Variants in CENPP observed in about 807,000 individuals in gnomAD.
The protein encoded by CENPP is centromere protein P.
In CENPP, 24 loss-of-function variants were observed where a neutral mutation model predicts 35.6. The ratio of observed to expected loss-of-function variants is 0.67; its 90% CI spans 0.49 to 0.95. The LOEUF (loss-of-function observed/expected upper bound fraction) is 0.95. Among genes scored for constraint, CENPP ranks in the 40% least tolerant of loss-of-function variants. The pLI, the probability that CENPP is intolerant of heterozygous loss-of-function variation, is 0.00. For missense variants in CENPP, 332 were observed against 345.3 expected, an observed-to-expected ratio of 0.96 and a Z score of 0.31; for synonymous variants, 120 against 125.5, an observed-to-expected ratio of 0.96 and a Z score of 0.29.
intron 5 of CENPP, among the ~76,000 whole-genome samples, chr9:92,544,475 CA>C (rs1563996638): frequency 6.6e-6 from 1 of 151,256 alleles, no homozygotes; most frequent in Admixed American, 6.6e-5. Flanking sequence ...GACTCCGTCT[CA>C]AAAAAATAAA....
chr9:92,480,123 ATCT>A (rs1311743658), intron 5 of CENPP, among the ~76,000 whole-genome samples: 10 of 152,210 alleles, frequency 6.6e-5, no homozygotes, highest in Non-Finnish European at 5.9e-5. Context: ...AAAATATTAA[ATCT>A]TCTTCTCAGG....
chr9:92,567,375 T>TATATATATATATATATATATAG (rs1448806875), intron 5 of CENPP, among the ~76,000 whole-genome samples: 1 of 81,876 alleles, frequency 1.2e-5, no homozygotes, highest in Non-Finnish European at 2.5e-5. Flanking sequence ...ATAAGATAGA[T>TATATATATATATATATATATAG]ATATATATAT....
At chr9:92,594,892 CTT>C (rs1213825480) in intron 5 of CENPP, among the ~76,000 whole-genome samples, 3 of 105,104 alleles carry the variant, frequency 2.9e-5, no homozygotes, top group African/African-American at 3.6e-5. Flanking sequence ...GGTTGCTCTT[CTT>C]TTTTTTTTTT....
intron 4 of CENPP, among the ~76,000 whole-genome samples, chr9:92,353,976 A>G (rs759452641): frequency 6.6e-6 from 1 of 152,240 alleles, no homozygotes; most frequent in African/African-American, 2.4e-5. Flanking sequence ...TCAAAAGGCC[A>G]TTCTACTGTT....
intron 4 of CENPP, among the ~76,000 whole-genome samples, chr9:92,378,862 A>G (rs990313434): frequency 2.0e-5 from 3 of 152,244 alleles, no homozygotes; most frequent in East Asian, 3.9e-4. Context: ...TGTTCTGACA[A>G]TGGTTCTCTG....
intron 5 of CENPP, chr9:92,527,860 T>C (rs1009278259): frequency 6.5e-6 from 1 of 154,160 alleles, no homozygotes; most frequent in African/African-American, 2.4e-5. Flanking sequence ...GCATACAGTA[T>C]ATCACCTGAA....
chr9:92,525,893 CAAAAA>C (rs71362395), intron 5 of CENPP, among the ~76,000 whole-genome samples: 1 of 43,908 alleles, frequency 2.3e-5, no homozygotes, highest in Non-Finnish European at 4.8e-5. Context: ...ACTCTATCTC[CAAAAA>C]AAAAAAAAAA....
intron 5 of CENPP, chr9:92,514,998 C>G: frequency 6.2e-7 from 1 of 1,614,146 alleles, no homozygotes; most frequent in African/African-American, 1.3e-5. Flanking sequence ...ATTCAGGGGT[C>G]TCTCTCTTTT....
At chr9:92,354,861 C>T (rs745348012) in intron 4 of CENPP, among the ~76,000 whole-genome samples, 4 of 152,032 alleles carry the variant, frequency 2.6e-5, no homozygotes, top group Non-Finnish European at 4.4e-5. Flanking sequence ...CTGGGGGTGA[C>T]GTCACATATC....
intron 5 of CENPP, among the ~76,000 whole-genome samples, chr9:92,477,024 G>A (rs1408916495): frequency 2.6e-5 from 4 of 152,214 alleles, no homozygotes; most frequent in Non-Finnish European, 5.9e-5. Context: ...GTAGAGAACA[G>A]AATGATTGTG....
intron 5 of CENPP, among the ~76,000 whole-genome samples, chr9:92,542,186 A>G (rs1284339218): frequency 6.6e-6 from 1 of 152,198 alleles, no homozygotes; most frequent in Non-Finnish European, 1.5e-5. Flanking sequence ...AGTATTCTAT[A>G]ATGGCTCCTT....
At chr9:92,543,098 A>G (rs920611144) in intron 5 of CENPP, among the ~76,000 whole-genome samples, 2 of 152,092 alleles carry the variant, frequency 1.3e-5, no homozygotes, top group Non-Finnish European at 2.9e-5. Context: ...TGCCAGTACT[A>G]TGCTGTTTGG....
chr9:92,439,183 G>C (rs1238269117), intron 5 of CENPP, among the ~76,000 whole-genome samples: 1 of 151,998 alleles, frequency 6.6e-6, no homozygotes, highest in Admixed American at 6.6e-5. Flanking sequence ...TTTGCTTCTA[G>C]TTAGAAGTTA....
intron 5 of CENPP, among the ~76,000 whole-genome samples, chr9:92,521,844 T>G (rs1291659129): frequency 6.6e-6 from 1 of 152,202 alleles, no homozygotes; most frequent in Non-Finnish European, 1.5e-5. Context: ...AATTTATTTC[T>G]GTATTCTAGA....
intron 5 of CENPP, chr9:92,385,814 T>C: frequency 1.2e-6 from 2 of 1,612,878 alleles, no homozygotes; most frequent in Non-Finnish European, 1.7e-6. Flanking sequence ...AGGAAAACAT[T>C]GTTCAGAAAT....
At chr9:92,507,038 T>G (rs331378) in intron 5 of CENPP, among the ~76,000 whole-genome samples, 135,424 of 152,152 alleles carry the variant, frequency 0.89, 60,432 homozygotes, top group East Asian at 0.95. Flanking sequence ...CTCCCGAGTA[T>G]CTGGCATTGC....
chr9:92,419,346 A>G (rs2761679), intron 5 of CENPP, among the ~76,000 whole-genome samples: 63,478 of 142,584 alleles, frequency 0.45, 16,108 homozygotes, highest in African/African-American at 0.7. Context: ...TGTTGCCCAG[A>G]CTGGAGTGCA....
intron 5 of CENPP, chr9:92,610,617 G>C (rs1851212120): frequency 6.6e-6 from 1 of 152,274 alleles, no homozygotes. Flanking sequence ...GATTCCACTT[G>C]ATTTCCCTGC....
At chr9:92,570,321 A>G (rs1174121107) in intron 5 of CENPP, among the ~76,000 whole-genome samples, 1 of 152,188 alleles carries the variant, frequency 6.6e-6, no homozygotes, top group South Asian at 2.1e-4. Context: ...CCTTTTCTGC[A>G]TCTATTGAGA....
Sources: allele counts gnomAD v4.1 joint callset (sites outside exome capture counted in the v4.1 genomes callset), GRCh38; gene constraint gnomAD v4.1.1; transcripts MANE v1.5; gene names NCBI Gene and HGNC (gene_info 2026-07-23, HGNC 2026-07-21).